CCDC18: variants seen among roughly 807,000 people sequenced by gnomAD.
CCDC18 encodes the protein coiled-coil domain containing 18, also known as coiled-coil domain-containing protein 18.
In CCDC18, 157 loss-of-function variants were observed where a neutral mutation model predicts 196.0. The observed-to-expected ratio is 0.80, with a 90% CI of 0.70 to 0.91. CCDC18 has a LOEUF of 0.91. Among genes scored for constraint, CCDC18 ranks in the 40% least tolerant of loss-of-function variants. The pLI, the probability that CCDC18 is intolerant of heterozygous loss-of-function variation, is 0.00. For missense variants in CCDC18, 1,465 were observed against 1,611.6 expected (o/e 0.91, Z 1.56); for synonymous variants, 482 against 529.2 (o/e 0.91, Z 1.22).
chr1:93,257,029 C>G (rs1455219062), intron 25 of CCDC18, among the ~76,000 whole-genome samples: 2 of 151,798 alleles, frequency 1.3e-5, no homozygotes, highest in African/African-American at 4.8e-5. Context: ...AGTTTGAGAC[C>G]AGCCTGGCCA....
chr1:93,231,762 A>G (rs1659273122), intron 17 of CCDC18, among the ~76,000 whole-genome samples: 1 of 152,154 alleles, frequency 6.6e-6, no homozygotes, highest in Non-Finnish European at 1.5e-5. Flanking sequence ...TCATTCCTTT[A>G]TGTGTTTTTT....
intron 7 of CCDC18, among the ~76,000 whole-genome samples, chr1:93,202,728 C>G (rs759525084): frequency 1.3e-5 from 2 of 152,152 alleles, no homozygotes; most frequent in Non-Finnish European, 1.5e-5. Flanking sequence ...TTTTACATGC[C>G]AGGTACTGTG....
intron 16 of CCDC18, among the ~76,000 whole-genome samples, chr1:93,223,948 A>C (rs1657884606): frequency 6.6e-6 from 1 of 151,052 alleles, no homozygotes; most frequent in East Asian, 2.0e-4. Flanking sequence ...CACATTTGCA[A>C]GTGGTTTGTA....
chr1:93,192,041 C>G lies in CCDC18; in HGVS notation c.504C>G (p.Val168=), dbSNP rs769378123. 2.5e-6 allele frequency: 4 copies of G among 1,613,898 alleles called. No homozygotes were observed. Among genetic ancestry groups the G allele is most frequent in the Non-Finnish European group, 3.4e-6 (4 of 1,179,844 alleles). ...LESAQQQAAS[V]PILEEQIINL... ...CTGCTCAACAGCAGGCAGCCAGTGT[C>G]CCAATCTTAGAAGAACAGATTATAA... is the stretch of plus-strand genomic sequence containing the variant. Residue 168 remains valine (V), a synonymous_variant, in exon 5 of 29, where the codon GTC becomes GTG. Coordinates refer to ENST00000690025, the MANE Select transcript of CCDC18 (RefSeq NM_001378204.1).
chr1:93,258,080 ATTAAT>A (rs1221241306), intron 25 of CCDC18, among the ~76,000 whole-genome samples: 1 of 148,218 alleles, frequency 6.7e-6, no homozygotes, highest in Non-Finnish European at 1.5e-5. Flanking sequence ...AAATAATTAA[ATTAAT>A]TAAAATTAAA....
intron 27 of CCDC18, chr1:93,269,550 AAC>A (rs1665012944): frequency 6.6e-6 from 1 of 152,116 alleles, no homozygotes; most frequent in Non-Finnish European, 1.5e-5. Flanking sequence ...TTTAGTTATG[AAC>A]ACAGTATTTT....
rs1240424403 is a variant in CCDC18 at position 93,212,226 on chromosome 1, A to G, written c.1460A>G (p.Glu487Gly). Residue 487 changes from glutamate (E) to glycine (G), a missense_variant, in exon 11 of 29, where the codon GAA (glutamate) becomes GGA (glycine). Glu to Gly is a moderately conservative substitution (Grantham distance 98, BLOSUM62 -2). Transcript: ENST00000690025. ...GAAAGTAGCAAATTAAGTAGTTTAG[A>G]AACAGAACCTGTAAAGCTAGGTGGT... ...SQESSKLSSL[E>G]TEPVKLGGHQ... 1 of 1,605,008 alleles carries G rather than the reference A, an allele frequency of 6.2e-7. No individual in the cohort carries two copies. The highest frequency in any genetic ancestry group is 8.5e-7 in the Non-Finnish European group (1 of 1,176,930).
chr1:93,270,314 T>C (rs546594254), intron 27 of CCDC18, 33 bp from the exon 28 acceptor site: 23 of 1,257,258 alleles, frequency 1.8e-5, no homozygotes, highest in African/African-American at 3.0e-5. Flanking sequence ...CAAAAATGTA[T>C]TGAGCACCTA....
intron 23 of CCDC18, among the ~76,000 whole-genome samples, chr1:93,249,557 A>G (rs1661957160): frequency 6.6e-6 from 1 of 152,176 alleles, no homozygotes; most frequent in Admixed American, 6.5e-5. Flanking sequence ...ACTTGAACTT[A>G]CCTTTTGTAG....
chr1:93,258,548 A>G (rs1192936516), intron 25 of CCDC18, among the ~76,000 whole-genome samples, 200 bp from the exon 26 acceptor site: 2 of 152,172 alleles, frequency 1.3e-5, no homozygotes, highest in Admixed American at 6.5e-5. Flanking sequence ...TGATGACAGC[A>G]AACAATTATA....
chr1:93,245,097 CT>C (rs1379578208), intron 21 of CCDC18, among the ~76,000 whole-genome samples: 9 of 152,128 alleles, frequency 5.9e-5, no homozygotes, highest in Admixed American at 3.3e-4. Flanking sequence ...AGACATTTAT[CT>C]TTTTTACTAT....
At chr1:93,198,131 ACATAAGCCTGCCTTATGATC>A in intron 6 of CCDC18, among the ~76,000 whole-genome samples, 1 of 152,138 alleles carries the variant, frequency 6.6e-6, no homozygotes, top group Non-Finnish European at 1.5e-5. Flanking sequence ...CTAAAGGTAA[ACATAAGCCTGCCTTATGATC>A]CAGCATTCAT....
rs1006824874 is a variant in CCDC18, at chr1:93,221,853, T to G, written c.2098-6T>G. ...TGCATACTTATACTTTTCTTACTGT[T>G]TTTAGGAAATGAAAAAGGAAAATAT... On this transcript the variant is annotated splice_region_variant and splice_polypyrimidine_tract_variant and intron_variant, in intron 15 of 28. Coordinates refer to ENST00000690025, the MANE Select transcript of CCDC18 (RefSeq NM_001378204.1). 9 of 1,594,624 alleles carry G rather than the reference T, an allele frequency of 5.6e-6. No homozygotes were observed. Among genetic ancestry groups the G allele is most frequent in the Non-Finnish European group, 7.7e-6 (9 of 1,169,268 alleles).
In CCDC18 at chr1:93,246,883, G is replaced by A. The variant is rs1398354492; in HGVS notation, c.3127G>A (p.Glu1043Lys). 6.5e-7 allele frequency: 1 copy of A among 1,549,916 alleles called. No individual in the cohort carries two copies. The highest frequency in any genetic ancestry group is 2.3e-5 in the East Asian group (1 of 43,584). The change falls in exon 23 of 29, where the codon GAA becomes AAA. Residue 1043 changes from glutamate to lysine, a missense_variant. Coordinates refer to ENST00000690025, the MANE Select transcript of CCDC18 (RefSeq NM_001378204.1). ...MTIREHRGEM[E>K]QKIIKLEGTL... ...TATTCGTGAGCACAGAGGAGAAATG[G>A]AACAAAAAATAATTAAATTAGAAGG...
intron 24 of CCDC18, among the ~76,000 whole-genome samples, chr1:93,256,022 C>T (rs1349069401): frequency 6.6e-6 from 1 of 151,994 alleles, no homozygotes; most frequent in Non-Finnish European, 1.5e-5. Context: ...TCTCTTTTCT[C>T]TTTATGTTTT....
At chr1:93,197,155 A>G (rs1652859792) in intron 6 of CCDC18, among the ~76,000 whole-genome samples, 1 of 152,246 alleles carries the variant, frequency 6.6e-6, no homozygotes, top group Non-Finnish European at 1.5e-5. Context: ...ACATCAAAAG[A>G]AAATAGAAGT....
At chr1:93,197,582 A>G (rs553279095) in intron 6 of CCDC18, among the ~76,000 whole-genome samples, 1 of 151,966 alleles carries the variant, frequency 6.6e-6, no homozygotes, top group Non-Finnish European at 1.5e-5. Flanking sequence ...ATCAGTAATT[A>G]AAAATCTGCC....
rs577999565 is a variant in CCDC18, at chr1:93,191,959, T to A, written c.463-41T>A. ...AAACTAAGGACCAAGTAGGTTAATT[T>A]ATTTTCTGAAAGTACTATAAAAGTT... On this transcript the variant is annotated intron_variant, in intron 4 of 28. Transcript: ENST00000690025. 3.5e-4 allele frequency: 487 copies of A among 1,407,422 alleles called. No homozygotes were observed. The African/African-American group carries it at 6.5e-3, about 19-fold the overall frequency. 87.2% of individuals were successfully genotyped at this position (1,407,422 alleles called of 1,614,324 possible).
At chr1:93,252,137 AAAGAAT>A (rs1557692243) in intron 23 of CCDC18, among the ~76,000 whole-genome samples, 1 of 152,168 alleles carries the variant, frequency 6.6e-6, no homozygotes, top group Non-Finnish European at 1.5e-5. Context: ...ACCTGGGCTC[AAAGAAT>A]CCTCCCACTT....
Sources: allele counts gnomAD v4.1 joint callset (sites outside exome capture counted in the v4.1 genomes callset), GRCh38; gene constraint gnomAD v4.1.1; transcripts MANE v1.5; gene names NCBI Gene and HGNC (gene_info 2026-07-23, HGNC 2026-07-21).